The following PDSS2 variants were observed in gnomAD, a reference collection of about 807,000 sequenced individuals.
The protein encoded by PDSS2 is all trans-polyprenyl-diphosphate synthase PDSS2.
A neutral mutation model predicts 44.5 loss-of-function variants in PDSS2; 31 were observed. The ratio of observed to expected loss-of-function variants is 0.70; its 90% CI spans 0.52 to 0.94. The LOEUF (loss-of-function observed/expected upper bound fraction) is 0.94. Among genes scored for constraint, PDSS2 ranks in the 40% least tolerant of loss-of-function variants. The pLI, the probability that PDSS2 is intolerant of heterozygous loss-of-function variation, is 0.00. For missense variants in PDSS2, 452 were observed against 482.2 expected (o/e 0.94, Z 0.59); for synonymous variants, 157 against 180.3 (o/e 0.87, Z 1.03).
chr6:107,221,124 C>T lies in PDSS2; in HGVS notation c.703-8842G>A, dbSNP rs542363068. On this transcript the variant is annotated intron_variant, in intron 4 of 7. Transcript: ENST00000369037. Reference sequence around the variant, plus strand: ...TCGGGAGGCCGAGGCAGGTGGATCACGAGGTCAGGAGATTGAGACCATCCT... The same window carrying T: ...TCGGGAGGCCGAGGCAGGTGGATCATGAGGTCAGGAGATTGAGACCATCCT... 3.7e-4 allele frequency among the ~76,000 whole-genome samples: 56 copies of T among 152,258 alleles called. 1 individual carries two copies. The highest frequency in any genetic ancestry group is 3.4e-3 in the Middle Eastern group (1 of 294).
chr6:107,220,683 C>T (rs977394025), intron 4 of PDSS2, among the ~76,000 whole-genome samples: 3 of 152,080 alleles, frequency 2.0e-5, no homozygotes, highest in African/African-American at 4.8e-5. Flanking sequence ...AAGTAATACA[C>T]GATCACTGGA....
intron 6 of PDSS2, among the ~76,000 whole-genome samples, chr6:107,195,085 G>C (rs1160125047): frequency 6.6e-6 from 1 of 152,062 alleles, no homozygotes; most frequent in African/African-American, 2.4e-5. Context: ...ACTTACAAAC[G>C]GGTTAGGTCT....
chr6:107,412,858 T>C (rs1780548123), intron 1 of PDSS2, among the ~76,000 whole-genome samples: 1 of 152,198 alleles, frequency 6.6e-6, no homozygotes, highest in Admixed American at 6.5e-5. Context: ...AAGGATCTAA[T>C]GTTCTCTTTT....
At chr6:107,378,574 T>C (rs955979082) in intron 1 of PDSS2, among the ~76,000 whole-genome samples, 1 of 152,060 alleles carries the variant, frequency 6.6e-6, no homozygotes, top group Non-Finnish European at 1.5e-5. Flanking sequence ...TCACCTGAGG[T>C]CAGGAGTTCA....
intron 3 of PDSS2, among the ~76,000 whole-genome samples, chr6:107,266,086 A>G (rs1775404076): frequency 1.3e-5 from 2 of 152,342 alleles, no homozygotes; most frequent in Middle Eastern, 6.8e-3. Flanking sequence ...TTGATAAAAT[A>G]AGTCCTCTTC....
rs201361243 is a variant in PDSS2, at chr6:107,170,606, A to ACC, written c.1042-15831_1042-15830dup. On this transcript the variant is annotated intron_variant, in intron 7 of 7. Transcript: ENST00000369037. ...GTTCTTATTCGGCCATCTTGGAACC[A>ACC]CCCCCCCCCCCCCACTTTTTTTTTT... is the stretch of plus-strand genomic sequence containing the variant. Among the ~76,000 whole-genome samples the ACC allele has an allele frequency of 4.3e-4, 42 of 96,562 alleles. 1 individual carries two copies. Among genetic ancestry groups the ACC allele is most frequent in the African/African-American group, 1.4e-3 (34 of 25,170 alleles). 63.3% of individuals were successfully genotyped at this position (96,562 alleles called of 152,430 possible).
chr6:107,442,737 T>C (rs319079), intron 1 of PDSS2, among the ~76,000 whole-genome samples: 108,526 of 151,254 alleles, frequency 0.72, 39,166 homozygotes, highest in Middle Eastern at 0.79. Flanking sequence ...GCTCAGCTTA[T>C]TCTTCTTCTG....
chr6:107,425,093 T>C (rs541661060), intron 1 of PDSS2, among the ~76,000 whole-genome samples: 1 of 152,300 alleles, frequency 6.6e-6, no homozygotes, highest in Admixed American at 6.5e-5. Flanking sequence ...TGTGCCTTGC[T>C]CCTCATTGCC....
chr6:107,407,566 T>C (rs1487104182), intron 1 of PDSS2, among the ~76,000 whole-genome samples: 2 of 152,202 alleles, frequency 1.3e-5, no homozygotes, highest in East Asian at 3.9e-4. Context: ...TTAAAAACTC[T>C]GCTTAAGAAA....
chr6:107,227,636 C>T (rs184174868), intron 4 of PDSS2, among the ~76,000 whole-genome samples: 1 of 152,178 alleles, frequency 6.6e-6, no homozygotes, highest in East Asian at 1.9e-4. Flanking sequence ...CTTCTCTGCT[C>T]CCTCCCAGTT....
At chr6:107,225,161 A>ATTTTT (rs71012786) in intron 4 of PDSS2, among the ~76,000 whole-genome samples, 1 of 50,400 alleles carries the variant, frequency 2.0e-5, no homozygotes, top group Non-Finnish European at 3.3e-5. Flanking sequence ...ATATATATAT[A>ATTTTT]TTTTTTTTTT....
rs577096192 is a variant in PDSS2, at chr6:107,258,067, A to T, written c.631-12448T>A. 1.7e-3 allele frequency among the ~76,000 whole-genome samples: 265 copies of T among 152,302 alleles called. 2 individuals are homozygous for T. Among genetic ancestry groups the T allele is most frequent in the African/African-American group, 6.0e-3 (248 of 41,580 alleles). ...TGTGAATTATCACTTTGCTCAATCAATATTATCAGAAATTTACATTTGTAC... is the reference window on the plus strand; with the variant it reads ...TGTGAATTATCACTTTGCTCAATCATTATTATCAGAAATTTACATTTGTAC... On this transcript the variant is annotated intron_variant, in intron 3 of 7. Transcript: ENST00000369037.
rs373217697 is a variant in PDSS2 at position 107,174,268 on chromosome 6, C to G, written c.1042-19491G>C. Among the ~76,000 whole-genome samples the G allele has an allele frequency of 2.2e-4, 34 of 152,260 alleles. No individual in the cohort carries two copies. In the South Asian group the frequency reaches 6.9e-3, roughly 31 times the overall value. On this transcript the variant is annotated intron_variant, in intron 7 of 7. Transcript: ENST00000369037. ...AAATGGAAGAAGGAACAGTCCTGTT[C>G]TATGTGCTTCAGGGGACAGAACAAA...
At chr6:107,255,867 A>T (rs1437900754) in intron 3 of PDSS2, among the ~76,000 whole-genome samples, 1 of 152,196 alleles carries the variant, frequency 6.6e-6, no homozygotes. Context: ...ATGTAAATGA[A>T]GTGAAGGTAA....
At chr6:107,198,730 C>T (rs1772651490) in intron 6 of PDSS2, among the ~76,000 whole-genome samples, 1 of 152,046 alleles carries the variant, frequency 6.6e-6, no homozygotes, top group Non-Finnish European at 1.5e-5. Flanking sequence ...CCAAGGCGGG[C>T]AGATCACATG....
chr6:107,380,812 T>C (rs1239235591), intron 1 of PDSS2, among the ~76,000 whole-genome samples: 1 of 152,194 alleles, frequency 6.6e-6, no homozygotes, highest in Admixed American at 6.5e-5. Context: ...CAGTTTTTCA[T>C]TTTTTTCCTT....
chr6:107,236,114 AG>A (rs1774215144), intron 4 of PDSS2, among the ~76,000 whole-genome samples: 1 of 152,214 alleles, frequency 6.6e-6, no homozygotes, highest in East Asian at 1.9e-4. Context: ...CATGAAAAAA[AG>A]AACATGAAAG....
At position 107,212,116 on chromosome 6, in the gene PDSS2, C is replaced by T; in HGVS notation, c.869G>A (p.Ser290Asn). Residue 290 changes from serine to asparagine, a missense_variant, in exon 5 of 8, where the codon AGT becomes AAT. Ser to Asn is a conservative substitution (Grantham distance 46). Coordinates refer to ENST00000369037, the MANE Select transcript of PDSS2 (RefSeq NM_020381.4). ...AFQYGKHMAM[S>N]HKINSDVQPF... Reference sequence around the variant, plus strand: ...AAAGGGTGTGCAAAGTACCTTATGACTCATGGCCATGTGCTTCCCATACTG... The same window carrying T: ...AAAGGGTGTGCAAAGTACCTTATGATTCATGGCCATGTGCTTCCCATACTG... The T allele has an allele frequency of 6.2e-7, 1 of 1,613,848 alleles. No homozygotes were observed. Among genetic ancestry groups the T allele is most frequent in the Non-Finnish European group, 8.5e-7 (1 of 1,179,720 alleles).
At position 107,190,909 on chromosome 6, in the gene PDSS2, T is replaced by TG. The variant is rs550648772; in HGVS notation, c.1041+2912dup. 2.0e-5 allele frequency among the ~76,000 whole-genome samples: 3 copies of TG among 152,124 alleles called. No individual in the cohort carries two copies. In the South Asian group the frequency reaches 6.2e-4, roughly 32 times the overall value. ...ACAGAGCAATGAAGGGGTTTTTTTTTGAGACGGAGTCTTGCTCTGTCGCCC... is the reference window on the plus strand; with the variant it reads ...ACAGAGCAATGAAGGGGTTTTTTTTTGGAGACGGAGTCTTGCTCTGTCGCCC... On this transcript the variant is annotated intron_variant, in intron 7 of 7. Transcript: ENST00000369037.
Sources: gnomAD v4.1 joint callset for allele counts (sites outside exome capture counted in the v4.1 genomes callset) on GRCh38, gnomAD v4.1.1 for gene constraint, MANE v1.5 for transcripts, NCBI Gene and HGNC (gene_info 2026-07-23, HGNC 2026-07-21) for gene names.